The following GPC5 variants were observed in gnomAD, a reference collection of about 807,000 sequenced individuals.
GPC5 encodes glypican 5.
In GPC5, 47 loss-of-function variants were observed where a neutral mutation model predicts 53.9. That is an observed-to-expected ratio of 0.87 (90% CI 0.69 to 1.11). The LOEUF (loss-of-function observed/expected upper bound fraction) is 1.11. Among genes scored for constraint, GPC5 ranks in the 50% most tolerant of loss-of-function variants. The pLI is 0.00. For synonymous variants in GPC5, 286 were observed against 263.3 expected, an observed-to-expected ratio of 1.09 and a Z score of -0.84; for missense variants, 748 against 713.1, an observed-to-expected ratio of 1.05 and a Z score of -0.56.
intron 7 of GPC5, among the ~76,000 whole-genome samples, chr13:92,271,953 C>A (rs1227781077): frequency 6.6e-6 from 1 of 152,138 alleles, no homozygotes; most frequent in South Asian, 2.1e-4. Context: ...AAATCAGCAA[C>A]ATTGAGCCTA....
At chr13:92,278,196 A>T (rs957015031) in intron 7 of GPC5, among the ~76,000 whole-genome samples, 44 of 151,950 alleles carry the variant, frequency 2.9e-4, no homozygotes, top group African/African-American at 9.7e-4. Context: ...AGTGTGGTCT[A>T]CATATTTAAA....
intron 2 of GPC5, among the ~76,000 whole-genome samples, chr13:91,685,947 G>GA (rs1342657511): frequency 1.3e-5 from 2 of 150,438 alleles, no homozygotes; most frequent in Non-Finnish European, 3.0e-5. Context: ...AAAAAACAAA[G>GA]AAAAAGAGGA....
intron 7 of GPC5, among the ~76,000 whole-genome samples, chr13:92,700,965 G>C (rs1336499374): frequency 6.6e-6 from 1 of 152,030 alleles, no homozygotes; most frequent in Non-Finnish European, 1.5e-5. Flanking sequence ...GTTAGTTTCT[G>C]ATTGTGGTGA....
At chr13:92,434,414 G>C (rs766031543) in intron 7 of GPC5, among the ~76,000 whole-genome samples, 9 of 152,062 alleles carry the variant, frequency 5.9e-5, no homozygotes, top group Non-Finnish European at 1.2e-4. Flanking sequence ...TCAGGAAAAG[G>C]TTTTTATCAG....
rs561095245 is a variant in GPC5 at position 91,996,825 on chromosome 13, T to C, written c.1401+88768T>C. Among the ~76,000 whole-genome samples, 10 of 152,296 alleles carry C rather than the reference T, an allele frequency of 6.6e-5. No individual in the cohort carries two copies. The South Asian group carries it at 2.1e-3, about 32-fold the overall frequency. On this transcript the variant is annotated intron_variant, in intron 6 of 7. Transcript: ENST00000377067. ...GTCTCCTTTCATTGAACATTATGTT[T>C]CATTGAGTATTATGTTTACGTTTGG...
intron 5 of GPC5, among the ~76,000 whole-genome samples, chr13:91,866,107 A>C (rs978924393): frequency 3.9e-5 from 6 of 152,108 alleles, no homozygotes; most frequent in African/African-American, 1.2e-4. Context: ...ACCTCAGCTG[A>C]TCGACCCACC....
intron 7 of GPC5, among the ~76,000 whole-genome samples, chr13:92,526,536 A>C (rs1881289383): frequency 6.6e-6 from 1 of 152,216 alleles, no homozygotes; most frequent in African/African-American, 2.4e-5. Flanking sequence ...AGGACCTTAA[A>C]GGGTAGGGAA....
chr13:91,516,862 A>G (rs1425975830), intron 2 of GPC5, among the ~76,000 whole-genome samples: 10 of 152,102 alleles, frequency 6.6e-5, no homozygotes, highest in Non-Finnish European at 8.8e-5. Flanking sequence ...CAGGCTCAAC[A>G]CCATGTGGAA....
At chr13:92,433,222 C>G (rs1345627501) in intron 7 of GPC5, among the ~76,000 whole-genome samples, 2 of 151,508 alleles carry the variant, frequency 1.3e-5, no homozygotes, top group Non-Finnish European at 2.9e-5. Flanking sequence ...AGATTTGAAG[C>G]ACAGATGAAG....
intron 2 of GPC5, among the ~76,000 whole-genome samples, chr13:91,463,953 G>A (rs559079389): frequency 6.6e-6 from 1 of 152,042 alleles, no homozygotes; most frequent in Non-Finnish European, 1.5e-5. Flanking sequence ...AAGGTTAAGA[G>A]AATGAAAACA....
intron 5 of GPC5, among the ~76,000 whole-genome samples, chr13:91,759,566 A>G (rs1371107988): frequency 1.3e-5 from 2 of 151,990 alleles, no homozygotes; most frequent in Non-Finnish European, 2.9e-5. Context: ...TCTACTCTCC[A>G]TCTCCATGAA....
At chr13:91,424,523 C>G (rs982936097) in intron 1 of GPC5, among the ~76,000 whole-genome samples, 3 of 152,020 alleles carry the variant, frequency 2.0e-5, no homozygotes, top group Non-Finnish European at 4.4e-5. Flanking sequence ...TACCACCACG[C>G]CCAGCTAATT....
At chr13:91,525,195 A>G (rs1362934875) in intron 2 of GPC5, among the ~76,000 whole-genome samples, 1 of 152,214 alleles carries the variant, frequency 6.6e-6, no homozygotes, top group East Asian at 1.9e-4. Context: ...GAGGAATCTT[A>G]CTTTTCCCCC....
At chr13:92,481,392 C>T (rs1243093847) in intron 7 of GPC5, among the ~76,000 whole-genome samples, 2 of 152,062 alleles carry the variant, frequency 1.3e-5, no homozygotes, top group East Asian at 1.9e-4. Flanking sequence ...TGACCCACCG[C>T]GCCTGGCCAA....
At chr13:92,183,504 C>T (rs1478588022) in intron 7 of GPC5, among the ~76,000 whole-genome samples, 1 of 151,922 alleles carries the variant, frequency 6.6e-6, no homozygotes, top group Non-Finnish European at 1.5e-5. Context: ...AACCATGTAC[C>T]AATTCAATCC....
In GPC5 at chr13:92,605,287, T is replaced by A. The variant is rs543260675; in HGVS notation, c.1562-260995T>A. Among the ~76,000 whole-genome samples the A allele has an allele frequency of 1.8e-4, 28 of 152,318 alleles. 1 individual carries two copies. Among genetic ancestry groups the A allele is most frequent in the African/African-American group, 5.3e-4 (22 of 41,576 alleles). ...CAATATTACTAGATTTATAAATTTT[T>A]AAAAATGGTTTGTGATAAAAAGTAT... On this transcript the variant is annotated intron_variant, in intron 7 of 7. Transcript: ENST00000377067.
intron 6 of GPC5, among the ~76,000 whole-genome samples, chr13:92,089,327 A>G (rs12017468): frequency 0.054 from 8,242 of 151,970 alleles, 733 homozygotes; most frequent in African/African-American, 0.19. Context: ...CCAGCTACTC[A>G]GGAGGCTGAG....
In GPC5 at chr13:92,602,389, T is replaced by C. The variant is rs1348095003; in HGVS notation, c.1562-263893T>C. 2.6e-5 allele frequency among the ~76,000 whole-genome samples: 4 copies of C among 151,574 alleles called. No individual in the cohort carries two copies. In the East Asian group the frequency reaches 7.8e-4, roughly 29 times the overall value. On this transcript the variant is annotated intron_variant, in intron 7 of 7. Coordinates refer to ENST00000377067, the MANE Select transcript of GPC5 (RefSeq NM_004466.6). The stretch of plus-strand genomic sequence containing the variant: ...TTAATATGAGTTTATTCCAACTAGC[T>C]GTCTAATTTGTTGAACTGTGCCGAC...
chr13:91,702,135 A>G lies in GPC5; in HGVS notation c.1020+8254A>G, dbSNP rs1414733458. ...TAAATTCAGGCCCTCTGCTGTGGTT[A>G]AGGTTATTTGTTTTATTGTTATTGA... On this transcript the variant is annotated intron_variant, in intron 3 of 7. Transcript: ENST00000377067. 2.0e-5 allele frequency among the ~76,000 whole-genome samples: 3 copies of G among 151,970 alleles called. No homozygotes were observed. In the East Asian group the frequency reaches 5.8e-4, roughly 29 times the overall value.
Sources: gnomAD v4.1 joint callset for allele counts (sites outside exome capture counted in the v4.1 genomes callset) on GRCh38, gnomAD v4.1.1 for gene constraint, MANE v1.5 for transcripts, NCBI Gene and HGNC (gene_info 2026-07-23, HGNC 2026-07-21) for gene names.